The following TEAD2 variants were observed in gnomAD, a reference collection of about 807,000 sequenced individuals.
The protein encoded by TEAD2 is transcriptional enhancer factor TEF-4.
A neutral mutation model predicts 61.4 loss-of-function variants in TEAD2; 51 were observed. The ratio of observed to expected loss-of-function variants is 0.83; its 90% CI spans 0.66 to 1.05. The LOEUF (loss-of-function observed/expected upper bound fraction) is 1.05. TEAD2 is among the 50% of genes least tolerant of loss of function. The pLI is 0.00. For missense variants in TEAD2, 509 were observed against 600.0 expected, an observed-to-expected ratio of 0.85 and a Z score of 1.58; for synonymous variants, 244 against 243.2, an observed-to-expected ratio of 1.00 and a Z score of -0.03.
At chr19:49,360,674 G>A (rs958204160) in intron 1 of TEAD2, among the ~76,000 whole-genome samples, 3 of 150,968 alleles carry the variant, frequency 2.0e-5, no homozygotes, top group Admixed American at 6.6e-5. Flanking sequence ...TAAGATGTGA[G>A]CAGCAGCTGC....
chr19:49,340,808 C>T lies in TEAD2; in HGVS notation c.*516G>A. ...AAAAAAAAAAAATGTCCAGGGCCCA[C>T]CTGGCTCTGCTCCTGCACAGAAAGG... On this transcript the variant is annotated 3_prime_UTR_variant, in exon 13 of 13. Transcript: ENST00000593945. 4.7e-6 allele frequency: 1 copy of T among 212,782 alleles called. No individual in the cohort carries two copies. 13.2% of individuals were successfully genotyped at this position (212,782 alleles called of 1,614,324 possible).
At position 49,341,547 on chromosome 19, in the gene TEAD2, A is replaced by T; in HGVS notation, c.1243-110T>A. The T allele has an allele frequency of 1.2e-6, 1 of 856,446 alleles. No homozygotes were observed. The highest frequency in any genetic ancestry group is 2.1e-5 in the Admixed American group (1 of 46,620). The allele number at this position is 856,446 out of a possible 1,614,324, so 53.1% of individuals were successfully genotyped here. ...ACCCAGCAGGCTCTTTTCCATCTCC[A>T]GGAAACAGGCCGCCACCATATCATG... On this transcript the variant is annotated intron_variant, in intron 12 of 12. Coordinates refer to ENST00000593945, the MANE Select transcript of TEAD2 (RefSeq NM_001256660.2). This position sits in a 1 kb window ranked among gnomAD's most constrained non-coding sequence, Gnocchi z 4.2.
chr19:49,342,205 G>C (rs1368076841), intron 12 of TEAD2, among the ~76,000 whole-genome samples: 1 of 151,206 alleles, frequency 6.6e-6, no homozygotes, highest in Non-Finnish European at 1.5e-5. Flanking sequence ...AAAAAAAAGA[G>C]AGAGAGTGCT....
In TEAD2 at chr19:49,359,983, C is replaced by T; in HGVS notation, c.93G>A (p.Glu31=). Reference sequence around the variant, plus strand: ...CCGGGCCCCCGTCACCCCCAGCCCCCTCACTGCCGCCGGTACCCTCCTCAC... The same window carrying T: ...CCGGGCCCCCGTCACCCCCAGCCCCTTCACTGCCGCCGGTACCCTCCTCAC... ...EGSEEGTGGS[E]GAGGDGGPDA... Residue 31 remains glutamate (E), a synonymous_variant, in exon 2 of 13, where the codon GAG becomes GAA. Transcript: ENST00000593945. The surrounding 1 kb of genome is among the most constrained non-coding windows in gnomAD (Gnocchi z 4.1). 1.2e-6 allele frequency: 2 copies of T among 1,610,072 alleles called. No homozygotes were observed. The highest frequency in any genetic ancestry group is 8.5e-7 in the Non-Finnish European group (1 of 1,179,908).
At chr19:49,350,940 GA>G (rs1488126523) in intron 8 of TEAD2, among the ~76,000 whole-genome samples, 1 of 152,066 alleles carries the variant, frequency 6.6e-6, no homozygotes, top group African/African-American at 2.4e-5. Flanking sequence ...CAGCACTTTG[GA>G]AAGCCGAGGC....
chr19:49,346,913 C>T (rs979619626), intron 10 of TEAD2, among the ~76,000 whole-genome samples: 3 of 152,182 alleles, frequency 2.0e-5, no homozygotes, highest in Admixed American at 2.0e-4. Flanking sequence ...ATGCCCAGGA[C>T]CCTATTAGCT....
chr19:49,359,432 G>C lies in TEAD2; in HGVS notation c.297+3C>G, dbSNP rs375385056. The C allele has an allele frequency of 6.2e-7, 1 of 1,613,952 alleles. No individual in the cohort carries two copies. Among genetic ancestry groups the C allele is most frequent in the South Asian group, 1.1e-5 (1 of 91,034 alleles). On this transcript the variant is annotated splice_donor_region_variant and intron_variant, in intron 3 of 12. Transcript: ENST00000593945. The surrounding 1 kb of genome is among the most constrained non-coding windows in gnomAD (Gnocchi z 4.1). Reference sequence around the variant, plus strand: ...ACAGAAGCCCACAAGTCCATTCCGAGACCTGTTTTCGAGTTCGGGTCTTCC... The same window carrying C: ...ACAGAAGCCCACAAGTCCATTCCGACACCTGTTTTCGAGTTCGGGTCTTCC...
intron 10 of TEAD2, among the ~76,000 whole-genome samples, chr19:49,344,129 G>GA (rs1422966808): frequency 2.0e-5 from 3 of 151,980 alleles, no homozygotes; most frequent in Admixed American, 2.0e-4. Context: ...TTACAGGCAT[G>GA]AGCCACCGCG....
rs980365237 is a variant in TEAD2, at chr19:49,352,223, A to ACGGT, written c.540-862_540-859dup. The stretch of plus-strand genomic sequence containing the variant: ...TGGATGGAAATCTGTGCCATCCAAT[A>ACGGT]CGGTACCCAGTGCCCACATGTGGCT... On this transcript the variant is annotated intron_variant, in intron 7 of 12. Transcript: ENST00000593945. Among the ~76,000 whole-genome samples, 45 of 152,296 alleles carry ACGGT rather than the reference A, an allele frequency of 3.0e-4. 1 individual carries two copies. The highest frequency in any genetic ancestry group is 2.9e-3 in the Admixed American group (45 of 15,288).
At chr19:49,357,179 CCT>C (rs1482462775) in intron 4 of TEAD2, 71 bp downstream of exon 4, 2 of 1,474,322 alleles carry the variant, frequency 1.4e-6, no homozygotes, top group Non-Finnish European at 1.9e-6. Context: ...GGTCTCTGTC[CCT>C]CTCTTTCTGG....
At chr19:49,356,040 T>C in intron 4 of TEAD2, 70 bp from the exon 5 acceptor site, 1 of 1,170,040 alleles carries the variant, frequency 8.5e-7, no homozygotes, top group Non-Finnish European at 1.1e-6. Flanking sequence ...CGGCCCGGAC[T>C]CCCCCACCTC....
At chr19:49,361,680 GA>G (rs1440117845) in intron 1 of TEAD2, 4 of 152,612 alleles carry the variant, frequency 2.6e-5, no homozygotes, top group Non-Finnish European at 5.9e-5. Context: ...CGGGAACAGG[GA>G]AAACTTTTTC....
chr19:49,358,338 C>A (rs2146606943), intron 3 of TEAD2, among the ~76,000 whole-genome samples: 1 of 152,288 alleles, frequency 6.6e-6, no homozygotes, highest in East Asian at 1.9e-4. Flanking sequence ...TCGCTTGAAC[C>A]CGGAAGGCGG....
At position 49,355,017 on chromosome 19, in the gene TEAD2, ACATG is replaced by A. The variant is rs1972283416; in HGVS notation, c.539+127_539+130del. ...ACTCCATGTCAATAAATACATACAT[ACATG>A]CATACATACATACATACATACATAC... On this transcript the variant is annotated intron_variant, in intron 7 of 12. Transcript: ENST00000593945. 7.7e-6 allele frequency: 5 copies of A among 648,880 alleles called. No individual in the cohort carries two copies. In the East Asian group the frequency reaches 1.1e-4, roughly 14 times the overall value. The allele number at this position is 648,880 out of a possible 1,614,324, so 40.2% of individuals were successfully genotyped here.
rs998128440 is a variant in TEAD2, at chr19:49,340,896, T to C, written c.*428A>G. The stretch of plus-strand genomic sequence containing the variant: ...GAGGGTGGTAGAGAGGGGCAGAAAT[T>C]TCAGGGGGAGGGGTGGCTGGGAAAA... On this transcript the variant is annotated 3_prime_UTR_variant, in exon 13 of 13. Transcript: ENST00000593945. The C allele has an allele frequency of 1.1e-5, 2 of 189,590 alleles. No homozygotes were observed. Among genetic ancestry groups the C allele is most frequent in the African/African-American group, 4.7e-5 (2 of 42,322 alleles). 11.7% of individuals were successfully genotyped at this position (189,590 alleles called of 1,614,324 possible).
rs749486433 is a variant in TEAD2, at chr19:49,347,295, A to G, written c.816T>C (p.Ser272=). The G allele has an allele frequency of 1.2e-6, 2 of 1,613,264 alleles. No individual in the cohort carries two copies. The change falls in exon 10 of 13, where the codon AGT becomes AGC. Residue 272 remains serine (S), a synonymous_variant. Transcript: ENST00000593945. The part of the protein sequence containing the change: ...CPSPGAPPLE[S]VDVRQIYDKF... ...TGTCGTAGATCTGCCGGACGTCCAC[A>G]CTCTCGAGCGGCGGCGCTCCGGGGC...
At chr19:49,347,085 C>A in intron 10 of TEAD2, 105 bp downstream of exon 10, 1 of 1,461,004 alleles carries the variant, frequency 6.8e-7, no homozygotes, top group African/African-American at 1.4e-5. Context: ...TGGTAAGTCC[C>A]AGGCTGACCT....
intron 7 of TEAD2, among the ~76,000 whole-genome samples, chr19:49,354,850 T>C (rs1374308982): frequency 1.3e-5 from 2 of 151,806 alleles, no homozygotes; most frequent in African/African-American, 4.8e-5. Context: ...ATACAAAAAT[T>C]AGCCGTGCAT....
At chr19:49,355,564 C>T (rs1234378212) in intron 5 of TEAD2, 145 bp from the exon 6 acceptor site, 11 of 691,416 alleles carry the variant, frequency 1.6e-5, no homozygotes, top group African/African-American at 8.9e-5. Context: ...TGGTGGCTCA[C>T]GCCTGTAATC....
Sources: gnomAD v4.1 joint callset for allele counts (sites outside exome capture counted in the v4.1 genomes callset) on GRCh38, gnomAD v4.1.1 for gene constraint, Gnocchi (gnomAD v3.1) non-coding constraint, MANE v1.5 for transcripts, NCBI Gene and HGNC (gene_info 2026-07-23, HGNC 2026-07-21) for gene names.